ATG7: variants seen among roughly 807,000 people sequenced by gnomAD.
ATG7 encodes autophagy related 7, also known as ubiquitin-like modifier-activating enzyme ATG7.
ATG7 carries 70 observed loss-of-function variants against 82.4 expected under a neutral mutation model. The observed-to-expected ratio is 0.85, with a 90% CI of 0.70 to 1.04. ATG7 has a LOEUF of 1.04. Ranked by LOEUF, ATG7 falls within the 50% of genes least tolerant of loss-of-function variation. The pLI, the probability that ATG7 is intolerant of heterozygous loss-of-function variation, is 0.00. For missense variants in ATG7, 792 were observed against 864.3 expected, an observed-to-expected ratio of 0.92 and a Z score of 1.05; for synonymous variants, 287 against 313.0, an observed-to-expected ratio of 0.92 and a Z score of 0.88.
At chr3:11,430,103 T>C (rs2082735784) in intron 20 of ATG7, among the ~76,000 whole-genome samples, 1 of 152,148 alleles carries the variant, frequency 6.6e-6, no homozygotes, top group African/African-American at 2.4e-5. Flanking sequence ...TGATGCCCTT[T>C]AGTAGGTGAC....
At chr3:11,488,537 C>G in intron 20 of ATG7, 1 of 1,101,668 alleles carries the variant, frequency 9.1e-7, no homozygotes, top group Non-Finnish European at 1.1e-6. Flanking sequence ...TGCCCCGGGC[C>G]GCAGCGCAGC....
intron 20 of ATG7, among the ~76,000 whole-genome samples, chr3:11,531,086 CCT>C (rs1224410687): frequency 3.9e-5 from 6 of 152,200 alleles, no homozygotes; most frequent in Admixed American, 2.0e-4. Flanking sequence ...GGGCTTCTTG[CCT>C]CTCTGGCTGG....
At position 11,440,812 on chromosome 3, in the gene ATG7, C is replaced by T. The variant is rs138145922; in HGVS notation, c.2079+13886C>T. ...TATTCTCCTGCCTCAGCCTCCCAAGCAGCTGGGATTACAGGCATCTGCTAC... is the reference window on the plus strand; with the variant it reads ...TATTCTCCTGCCTCAGCCTCCCAAGTAGCTGGGATTACAGGCATCTGCTAC... On this transcript the variant is annotated intron_variant, in intron 20 of 20. Coordinates refer to ENST00000693202, the MANE Select transcript of ATG7 (RefSeq NM_001349232.2). Among the ~76,000 whole-genome samples the T allele has an allele frequency of 5.8e-4, 87 of 149,472 alleles. 1 individual carries two copies. In the East Asian group the frequency reaches 0.017, roughly 29 times the overall value.
chr3:11,418,659 C>A (rs2081637393), intron 19 of ATG7, among the ~76,000 whole-genome samples: 1 of 152,170 alleles, frequency 6.6e-6, no homozygotes, highest in Non-Finnish European at 1.5e-5. Flanking sequence ...TCTGCTCCAG[C>A]CTGTTGTGAT....
intron 19 of ATG7, among the ~76,000 whole-genome samples, chr3:11,412,954 A>G (rs1159472017): frequency 2.0e-5 from 3 of 152,174 alleles, no homozygotes. Context: ...TTTTGATGCT[A>G]TTGTAAATAA....
intron 18 of ATG7, among the ~76,000 whole-genome samples, chr3:11,373,099 C>T (rs2077148173): frequency 6.6e-6 from 1 of 150,676 alleles, no homozygotes; most frequent in Non-Finnish European, 1.5e-5. Context: ...GCTTACCCTA[C>T]TATAAGGAGA....
chr3:11,564,667 T>G, the ATG7 span: 1 of 1,135,662 alleles, frequency 8.8e-7, no homozygotes, highest in Non-Finnish European at 1.2e-6. Context: ...GTGGCATCCC[T>G]CACCACCTCC....
chr3:11,574,816 T>A, the ATG7 span, among the ~76,000 whole-genome samples: 186 of 151,142 alleles, frequency 1.2e-3, 1 homozygote, highest in African/African-American at 4.3e-3. Flanking sequence ...TGTGTGTGTG[T>A]GTGTGTGTGT....
At chr3:11,345,141 C>T (rs935451239) in intron 13 of ATG7, among the ~76,000 whole-genome samples, 1 of 152,032 alleles carries the variant, frequency 6.6e-6, no homozygotes, top group African/African-American at 2.4e-5. Context: ...CACGGTGGCT[C>T]ACGCCTGTAA....
chr3:11,457,258 G>A (rs926366395), intron 20 of ATG7, among the ~76,000 whole-genome samples: 7 of 152,074 alleles, frequency 4.6e-5, no homozygotes, highest in Admixed American at 1.3e-4. Context: ...AAACTCTTGC[G>A]GCGGGAAGAT....
chr3:11,434,961 C>G (rs1009852986), intron 20 of ATG7, among the ~76,000 whole-genome samples: 1 of 152,060 alleles, frequency 6.6e-6, no homozygotes, highest in Non-Finnish European at 1.5e-5. Flanking sequence ...GCATGCTTCC[C>G]CACTTAAAAT....
At chr3:11,361,505 G>A (rs1173108025) in intron 16 of ATG7, among the ~76,000 whole-genome samples, 3 of 151,970 alleles carry the variant, frequency 2.0e-5, no homozygotes, top group South Asian at 2.1e-4. Context: ...GGCTGGTCTC[G>A]AACTCCTGAC....
chr3:11,335,583 A>G (rs1462808381), intron 11 of ATG7, among the ~76,000 whole-genome samples: 4 of 152,178 alleles, frequency 2.6e-5, no homozygotes, highest in Non-Finnish European at 5.9e-5. Flanking sequence ...TAATCACTTA[A>G]TTCTGCCAAC....
chr3:11,479,911 C>CT (rs1236499753), intron 20 of ATG7, among the ~76,000 whole-genome samples: 1 of 151,838 alleles, frequency 6.6e-6, no homozygotes, highest in African/African-American at 2.4e-5. Flanking sequence ...GGCTTCTGCA[C>CT]TGCCTGCCCT....
At chr3:11,390,732 A>G (rs2078731370) in intron 19 of ATG7, among the ~76,000 whole-genome samples, 1 of 135,678 alleles carries the variant, frequency 7.4e-6, no homozygotes, top group African/African-American at 2.6e-5. Context: ...GAGAATGAGC[A>G]ATTTGCAGGA....
intron 14 of ATG7, among the ~76,000 whole-genome samples, chr3:11,351,760 C>G (rs747078420): frequency 5.3e-5 from 8 of 152,090 alleles, no homozygotes; most frequent in Non-Finnish European, 1.2e-4. Context: ...TGTAATTCAT[C>G]ACGTTCATGA....
intron 9 of ATG7, among the ~76,000 whole-genome samples, chr3:11,323,921 G>A (rs1950527525): frequency 6.6e-6 from 1 of 152,178 alleles, no homozygotes; most frequent in Non-Finnish European, 1.5e-5. Flanking sequence ...TGTTAGATTA[G>A]CATGTTTTAT....
chr3:11,375,519 C>T (rs1205292822), intron 18 of ATG7, among the ~76,000 whole-genome samples: 3 of 151,848 alleles, frequency 2.0e-5, no homozygotes, highest in African/African-American at 7.2e-5. Flanking sequence ...TTGACAAGGA[C>T]GTGAAGAAAT....
intron 20 of ATG7, among the ~76,000 whole-genome samples, chr3:11,469,203 A>G (rs1009684390): frequency 6.6e-6 from 1 of 152,196 alleles, no homozygotes; most frequent in African/African-American, 2.4e-5. Flanking sequence ...TAATCCCAGC[A>G]CTTTGGGAGG....
Sources: gnomAD v4.1 joint callset for allele counts (sites outside exome capture counted in the v4.1 genomes callset) on GRCh38, gnomAD v4.1.1 for gene constraint, MANE v1.5 for transcripts, NCBI Gene and HGNC (gene_info 2026-07-23, HGNC 2026-07-21) for gene names.